GALM: variants seen among roughly 807,000 people sequenced by gnomAD.
GALM encodes aldose 1-epimerase.
Under a neutral mutation model 37.4 loss-of-function variants are expected in GALM, and 43 were observed. That is an observed-to-expected ratio of 1.15 (90% CI 0.90 to 1.48). The LOEUF (loss-of-function observed/expected upper bound fraction) is 1.48. Among genes scored for constraint, GALM ranks in the 40% most tolerant of loss-of-function variants. The pLI is 0.00. For synonymous variants in GALM, 199 were observed against 170.6 expected, an observed-to-expected ratio of 1.17 and a Z score of -1.30; for missense variants, 456 against 419.1, an observed-to-expected ratio of 1.09 and a Z score of -0.77.
At position 38,729,649 on chromosome 2, in the gene GALM, A is replaced by C; in HGVS notation, c.728A>C (p.Asp243Ala). 6.2e-7 allele frequency: 1 copy of C among 1,613,732 alleles called. No individual in the cohort carries two copies. Among genetic ancestry groups the C allele is most frequent in the Non-Finnish European group, 8.5e-7 (1 of 1,179,696 alleles). ...HLQDFHLNGF[D>A]HNFCLKGSKE... The stretch of plus-strand genomic sequence containing the variant: ...CAGGACTTCCATCTCAATGGTTTTG[A>C]CCACAATTTCTGTCTGAAGGGATCT... Residue 243 changes from aspartate to alanine, a missense_variant, in exon 5 of 7, where the codon GAC (aspartate) becomes GCC (alanine). Physicochemically the swap from Asp to Ala is moderately radical, Grantham distance 126. Coordinates refer to ENST00000272252, the MANE Select transcript of GALM (RefSeq NM_138801.3).
At chr2:38,684,704 G>C (rs1182101321) in intron 3 of GALM, among the ~76,000 whole-genome samples, 1 of 152,152 alleles carries the variant, frequency 6.6e-6, no homozygotes, top group African/African-American at 2.4e-5. Flanking sequence ...CTAATCAGGA[G>C]GCCGAGGCAT....
intron 3 of GALM, among the ~76,000 whole-genome samples, chr2:38,688,280 G>C (rs1353870389): frequency 1.3e-5 from 2 of 151,960 alleles, no homozygotes; most frequent in Non-Finnish European, 2.9e-5. Flanking sequence ...GGGAGGCCGA[G>C]GTGAGCAGAT....
In GALM at chr2:38,696,150, G is replaced by A. The variant is rs141246737; in HGVS notation, c.634+6256G>A. 6.7e-3 allele frequency among the ~76,000 whole-genome samples: 994 copies of A among 149,452 alleles called. 13 individuals are homozygous for A. Among genetic ancestry groups the A allele is most frequent in the African/African-American group, 0.022 (876 of 40,608 alleles). ...TTTTTTTCTTTTGAGACAGAGTTTC[G>A]CTCTTGTTGCCCAGGCTGGAGTGCA... is the stretch of plus-strand genomic sequence containing the variant. On this transcript the variant is annotated intron_variant, in intron 4 of 6. Coordinates refer to ENST00000272252, the MANE Select transcript of GALM (RefSeq NM_138801.3).
chr2:38,687,994 C>T (rs981141379), intron 3 of GALM, among the ~76,000 whole-genome samples: 3 of 151,702 alleles, frequency 2.0e-5, no homozygotes, highest in Non-Finnish European at 2.9e-5. Context: ...GGTGGATCAC[C>T]TGAGGTCAGG....
chr2:38,722,337 T>C (rs1447555217), intron 4 of GALM, among the ~76,000 whole-genome samples: 1 of 152,152 alleles, frequency 6.6e-6, no homozygotes, highest in Non-Finnish European at 1.5e-5. Flanking sequence ...ATGCAGTTTC[T>C]GGTCTCTGTA....
Position 38,676,001 on chromosome 2 carries a change from G to A in GALM, c.280G>A (p.Glu94Lys), listed in dbSNP as rs114353506. The stretch of plus-strand genomic sequence containing the variant: ...AGGAACCTTCAAGGTGGATGGGAAG[G>A]AGTATCACCTGGCCATTAACAAGGA... ...AKGTFKVDGKEYHLAINKEPN... is the reference protein window; with the variant it reads ...AKGTFKVDGKKYHLAINKEPN... The change falls in exon 2 of 7, where the codon GAG (glutamate) becomes AAG (lysine). Residue 94 changes from glutamate (E) to lysine (K), a missense_variant. Coordinates refer to ENST00000272252, the MANE Select transcript of GALM (RefSeq NM_138801.3). The A allele has an allele frequency of 2.0e-5, 33 of 1,614,090 alleles. No homozygotes were observed. The East Asian group carries it at 7.1e-4, about 35-fold the overall frequency.
chr2:38,676,834 C>T (rs1358279447), intron 2 of GALM, among the ~76,000 whole-genome samples: 4 of 152,186 alleles, frequency 2.6e-5, no homozygotes, highest in African/African-American at 9.6e-5. Context: ...GCTGCCTGGC[C>T]CAAAACACTC....
chr2:38,701,109 C>G (rs150441978), intron 4 of GALM, among the ~76,000 whole-genome samples: 1 of 152,236 alleles, frequency 6.6e-6, no homozygotes, highest in Non-Finnish European at 1.5e-5. Flanking sequence ...CCCTGGTACC[C>G]TGCTTAAGTA....
rs534435127 is a variant in GALM at position 38,734,417 on chromosome 2, G to GCTCTCT, written c.*858_*863dup. 1.4e-5 allele frequency: 2 copies of GCTCTCT among 145,944 alleles called. No homozygotes were observed. Among genetic ancestry groups the GCTCTCT allele is most frequent in the African/African-American group, 5.1e-5 (2 of 39,358 alleles). 9.0% of individuals were successfully genotyped at this position (145,944 alleles called of 1,614,324 possible). The stretch of plus-strand genomic sequence containing the variant: ...AAAAAAAAAAAAGGAAAAAAAAGCA[G>GCTCTCT]CTCTCTCTCTCGGGAGAGGGAGGGG... On this transcript the variant is annotated 3_prime_UTR_variant, in exon 7 of 7. Coordinates refer to ENST00000272252, the MANE Select transcript of GALM (RefSeq NM_138801.3).
rs1280682078 is a variant in GALM, at chr2:38,733,923, C to G, written c.*358C>G. On this transcript the variant is annotated 3_prime_UTR_variant, in exon 7 of 7. Transcript: ENST00000272252. Reference sequence around the variant, plus strand: ...CCCTTCCTTTCTTTAAAGCTATTCTCACATTGCTTTTATTTCCTCCTCCTT... The same window carrying G: ...CCCTTCCTTTCTTTAAAGCTATTCTGACATTGCTTTTATTTCCTCCTCCTT... 4 of 317,004 alleles carry G rather than the reference C, an allele frequency of 1.3e-5. No homozygotes were observed. The highest frequency in any genetic ancestry group is 2.5e-5 in the Non-Finnish European group (4 of 162,402). 19.6% of individuals were successfully genotyped at this position (317,004 alleles called of 1,614,324 possible). A position where few individuals can be genotyped will look rare whatever the true frequency, so the allele number is the denominator to read the frequency against.
intron 1 of GALM, among the ~76,000 whole-genome samples, chr2:38,673,036 T>C (rs1216401107): frequency 1.3e-5 from 2 of 152,032 alleles, no homozygotes; most frequent in African/African-American, 2.4e-5. Flanking sequence ...TCAGTAAGTG[T>C]TAGCTATTAT....
intron 4 of GALM, among the ~76,000 whole-genome samples, chr2:38,722,991 G>C (rs1666414854): frequency 6.6e-6 from 1 of 152,140 alleles, no homozygotes; most frequent in Non-Finnish European, 1.5e-5. Context: ...CCCCTTTCTA[G>C]ATCTTTCATT....
intron 2 of GALM, among the ~76,000 whole-genome samples, chr2:38,676,955 A>AC (rs1167180577): frequency 6.6e-6 from 1 of 152,148 alleles, no homozygotes; most frequent in Non-Finnish European, 1.5e-5. Flanking sequence ...ATGGCGCTGC[A>AC]CCAAGGCCTG....
At chr2:38,715,590 A>G (rs1486127591) in intron 4 of GALM, among the ~76,000 whole-genome samples, 1 of 152,092 alleles carries the variant, frequency 6.6e-6, no homozygotes, top group Non-Finnish European at 1.5e-5. Flanking sequence ...GGTATGCACC[A>G]CCACACCTGG....
chr2:38,733,239 C>T (rs1029193659), intron 6 of GALM, among the ~76,000 whole-genome samples: 1 of 146,434 alleles, frequency 6.8e-6, no homozygotes, highest in African/African-American at 2.5e-5. Flanking sequence ...AAAAAAAAAG[C>T]CTACACCTTA....
intron 4 of GALM, among the ~76,000 whole-genome samples, chr2:38,696,781 CTTTTTTTTTTTTTT>C (rs34163863): frequency 4.4e-5 from 3 of 68,474 alleles, no homozygotes; most frequent in African/African-American, 2.0e-4. Context: ...CCCAAGAAAG[CTTTTTTTTTTTTTT>C]TTTTTTTTTT....
chr2:38,675,164 G>T (rs566535273), intron 1 of GALM, among the ~76,000 whole-genome samples: 1 of 152,210 alleles, frequency 6.6e-6, no homozygotes, highest in Non-Finnish European at 1.5e-5. Flanking sequence ...AACAGAGTGA[G>T]ACTCTGTCTT....
chr2:38,689,764 T>G, intron 3 of GALM, 49 bp from the exon 4 acceptor site: 1 of 1,082,166 alleles, frequency 9.2e-7, no homozygotes, highest in African/African-American at 1.6e-5. Flanking sequence ...AAAACAAATA[T>G]ATGAAATAAG....
intron 4 of GALM, among the ~76,000 whole-genome samples, chr2:38,699,500 T>G (rs1665874811): frequency 6.6e-6 from 1 of 152,178 alleles, no homozygotes. Context: ...ATTCCCCCTA[T>G]CTAGCTGTAC....
Sources: gnomAD v4.1 joint callset for allele counts (sites outside exome capture counted in the v4.1 genomes callset) on GRCh38, gnomAD v4.1.1 for gene constraint, MANE v1.5 for transcripts, NCBI Gene and HGNC (gene_info 2026-07-23, HGNC 2026-07-21) for gene names.